Variants in CDC42BPA observed in about 807,000 individuals in gnomAD.
The protein encoded by CDC42BPA is CDC42 binding protein kinase alpha.
In CDC42BPA, 80 loss-of-function variants were observed where a neutral mutation model predicts 223.5. That is an observed-to-expected ratio of 0.36 (90% CI 0.30 to 0.43). The LOEUF (loss-of-function observed/expected upper bound fraction) is 0.43. Ranked by LOEUF, CDC42BPA falls within the 20% of genes least tolerant of loss-of-function variation. The pLI is 1.00. For missense variants in CDC42BPA, 1,743 were observed against 2,099.9 expected (o/e 0.83, Z 3.32); for synonymous variants, 694 against 718.6 (o/e 0.97, Z 0.55).
Position 227,213,282 on chromosome 1 carries a change from T to G in CDC42BPA, c.271-63A>C, listed in dbSNP as rs542970908. ...GACAAATAATTTTTTCAGCCATCCA[T>G]TTTCCTTTTTCCTCTGTAAAAAAAT... is the stretch of plus-strand genomic sequence containing the variant. On this transcript the variant is annotated intron_variant, in intron 2 of 36. Transcript: ENST00000366766. 13 of 780,890 alleles carry G rather than the reference T, an allele frequency of 1.7e-5. No individual in the cohort carries two copies. In the South Asian group the frequency reaches 2.5e-4, roughly 15 times the overall value. 48.4% of individuals were successfully genotyped at this position (780,890 alleles called of 1,614,324 possible). A position where few individuals can be genotyped will look rare whatever the true frequency, so the allele number is the denominator to read the frequency against.
chr1:227,043,117 G>T (rs986931258), intron 23 of CDC42BPA, among the ~76,000 whole-genome samples: 2 of 152,002 alleles, frequency 1.3e-5, no homozygotes, highest in African/African-American at 4.8e-5. Context: ...ATGTTTTAAA[G>T]AAATTAAATT....
chr1:227,209,333 T>G (rs1165139706), intron 3 of CDC42BPA, among the ~76,000 whole-genome samples: 1 of 147,054 alleles, frequency 6.8e-6, no homozygotes, highest in Non-Finnish European at 1.5e-5. Flanking sequence ...CTTTTCCTAA[T>G]TGAATACCCT....
Position 226,993,980 on chromosome 1 carries a change from G to C in CDC42BPA, c.*288C>G. ...ACATTTGTGTAATCTGTCTATTTAA[G>C]CTACCTTTGGGAGTAGGGGTAAAAT... On this transcript the variant is annotated 3_prime_UTR_variant, in exon 37 of 37. Transcript: ENST00000366766. The C allele has an allele frequency of 3.2e-6, 1 of 309,400 alleles. No individual in the cohort carries two copies. The highest frequency in any genetic ancestry group is 6.1e-6 in the Non-Finnish European group (1 of 163,748). The allele number at this position is 309,400 out of a possible 1,614,324, so 19.2% of individuals were successfully genotyped here. A position where few individuals can be genotyped will look rare whatever the true frequency, so the allele number is the denominator to read the frequency against.
rs533393513 is a variant in CDC42BPA, at chr1:227,171,856, C to T, written c.600-11220G>A. On this transcript the variant is annotated intron_variant, in intron 5 of 36. Transcript: ENST00000366766. The stretch of plus-strand genomic sequence containing the variant: ...ATGTACCTTGGCCCCAACCCAGACA[C>T]CACTAATCAAAATATTGCACAGGGG... Among the ~76,000 whole-genome samples the T allele has an allele frequency of 5.9e-5, 9 of 152,238 alleles. No individual in the cohort carries two copies. In the East Asian group the frequency reaches 1.7e-3, roughly 29 times the overall value.
At chr1:227,302,255 CTG>C (rs1219066639) in intron 1 of CDC42BPA, among the ~76,000 whole-genome samples, 1 of 152,174 alleles carries the variant, frequency 6.6e-6, no homozygotes. Context: ...TTGCCTAAGA[CTG>C]TGCTGGTTTT....
At chr1:227,242,073 C>T (rs1219450103) in intron 2 of CDC42BPA, among the ~76,000 whole-genome samples, 1 of 151,970 alleles carries the variant, frequency 6.6e-6, no homozygotes, top group Admixed American at 6.6e-5. Context: ...GCAAATCAAA[C>T]CCAACTATAT....
At chr1:227,091,254 T>C (rs1003053797) in intron 16 of CDC42BPA, among the ~76,000 whole-genome samples, 2 of 152,164 alleles carry the variant, frequency 1.3e-5, no homozygotes, top group African/African-American at 4.8e-5. Flanking sequence ...ATGACTTCAA[T>C]GTCTGTCTCC....
chr1:227,031,627 T>C, intron 27 of CDC42BPA, 113 bp from the exon 28 acceptor site: 1 of 768,492 alleles, frequency 1.3e-6, no homozygotes, highest in Non-Finnish European at 2.1e-6. Flanking sequence ...ATTCATTAAA[T>C]GATACCATTA....
chr1:227,016,091 CT>C lies in CDC42BPA; in HGVS notation c.4845del (p.Asp1616IlefsTer4). The C allele has an allele frequency of 6.4e-7, 1 of 1,573,854 alleles. No homozygotes were observed. The highest frequency in any genetic ancestry group is 8.7e-7 in the Non-Finnish European group (1 of 1,143,808). On this transcript the variant is annotated frameshift_variant, in exon 34 of 37. Transcript: ENST00000366766. LOFTEE classifies it high-confidence loss of function. ...MGPGDGIQIL[K>X]DLPMNPRPQE... ...TTAATTCCTCTTACCATGGGCAGAT[CT>C]TTCAGGATCTGTATTCCATCTCCAG...
intron 5 of CDC42BPA, among the ~76,000 whole-genome samples, chr1:227,178,857 T>G (rs1667420374): frequency 6.6e-6 from 1 of 152,192 alleles, no homozygotes; most frequent in Non-Finnish European, 1.5e-5. Context: ...TTGTTTTTTC[T>G]CTTGAGACTA....
At chr1:227,027,579 T>A (rs546750569) in intron 30 of CDC42BPA, among the ~76,000 whole-genome samples, 1 of 152,290 alleles carries the variant, frequency 6.6e-6, no homozygotes, top group Admixed American at 6.5e-5. Flanking sequence ...GTATTTTTCA[T>A]TAAAAACAAA....
At chr1:227,217,034 T>C (rs1055441639) in intron 2 of CDC42BPA, among the ~76,000 whole-genome samples, 1 of 152,160 alleles carries the variant, frequency 6.6e-6, no homozygotes, top group African/African-American at 2.4e-5. Flanking sequence ...GCTGTAACAG[T>C]ATTTTATGTT....
intron 1 of CDC42BPA, among the ~76,000 whole-genome samples, chr1:227,316,517 T>C (rs1478084103): frequency 6.6e-6 from 1 of 152,222 alleles, no homozygotes; most frequent in Non-Finnish European, 1.5e-5. Flanking sequence ...CCTTGTACTA[T>C]GTAGAGATGA....
chr1:227,236,771 AG>A (rs1470042618), intron 2 of CDC42BPA, among the ~76,000 whole-genome samples: 1 of 152,152 alleles, frequency 6.6e-6, no homozygotes, highest in African/African-American at 2.4e-5. Flanking sequence ...TTTGTGACAG[AG>A]GCATATCATA....
chr1:227,175,054 A>G (rs1029320002), intron 5 of CDC42BPA, among the ~76,000 whole-genome samples: 1 of 152,074 alleles, frequency 6.6e-6, no homozygotes, highest in African/African-American at 2.4e-5. Flanking sequence ...ATGCATTCTT[A>G]TTTCTAATTA....
At chr1:227,275,028 G>C (rs192000508) in intron 1 of CDC42BPA, among the ~76,000 whole-genome samples, 1 of 151,898 alleles carries the variant, frequency 6.6e-6, no homozygotes, top group African/African-American at 2.4e-5. Flanking sequence ...ACAAAAGTTT[G>C]AACAATCTAA....
At chr1:227,219,094 C>T (rs1675384709) in intron 2 of CDC42BPA, among the ~76,000 whole-genome samples, 1 of 152,192 alleles carries the variant, frequency 6.6e-6, no homozygotes, top group Admixed American at 6.5e-5. Context: ...TGCAATATAA[C>T]TTCTTACTCT....
At chr1:227,190,160 A>T (rs1669476565) in intron 5 of CDC42BPA, among the ~76,000 whole-genome samples, 1 of 151,446 alleles carries the variant, frequency 6.6e-6, no homozygotes, top group Non-Finnish European at 1.5e-5. Flanking sequence ...CCTACCATTC[A>T]CCTATCTTGA....
chr1:227,026,341 T>C (rs1174674568), intron 30 of CDC42BPA, among the ~76,000 whole-genome samples, 189 bp from the exon 31 acceptor site: 10 of 152,206 alleles, frequency 6.6e-5, no homozygotes, highest in Admixed American at 6.5e-4. Flanking sequence ...GGAACTGGTA[T>C]ACCATGATTC....
Sources: allele counts gnomAD v4.1 joint callset (sites outside exome capture counted in the v4.1 genomes callset), GRCh38; gene constraint gnomAD v4.1.1; transcripts MANE v1.5; gene names NCBI Gene and HGNC (gene_info 2026-07-23, HGNC 2026-07-21).